Variants in TECPR2 observed in about 807,000 individuals in gnomAD.
TECPR2 encodes the protein tectonin beta-propeller repeat-containing protein 2.
A neutral mutation model predicts 138.1 loss-of-function variants in TECPR2; 65 were observed. The ratio of observed to expected loss-of-function variants is 0.47; its 90% CI spans 0.39 to 0.58. The LOEUF (loss-of-function observed/expected upper bound fraction) is 0.58, where lower values mean the gene tolerates loss of function less well. TECPR2 is among the 20% of genes least tolerant of loss of function. TECPR2 has a pLI of 0.00. For synonymous variants in TECPR2, 746 were observed against 749.8 expected, an observed-to-expected ratio of 0.99 and a Z score of 0.08; for missense variants, 1,553 against 1,824.5, an observed-to-expected ratio of 0.85 and a Z score of 2.71.
intron 2 of TECPR2, among the ~76,000 whole-genome samples, chr14:102,398,640 T>C (rs1888383783): frequency 1.3e-5 from 2 of 151,584 alleles, no homozygotes; most frequent in Admixed American, 1.3e-4. Flanking sequence ...GGCAGGAGGA[T>C]CACTTGAGTT....
rs377136268 is a variant in TECPR2 at position 102,449,744 on chromosome 14, A to C, written c.3191A>C (p.Lys1064Thr). 29 of 1,614,044 alleles carry C rather than the reference A, an allele frequency of 1.8e-5. No homozygotes were observed. The highest frequency in any genetic ancestry group is 2.3e-5 in the Non-Finnish European group (27 of 1,180,044). ...GCCCCCGTAGAAAAGGTGGCAGATA[A>C]GCTGCGCATGGCGTTTTGGTCCCAG... ...AQAPVEKVAD[K>T]LRMAFWSQQL... The change falls in exon 14 of 20, where the codon AAG (lysine) becomes ACG (threonine). Residue 1064 changes from lysine to threonine, a missense_variant. Transcript: ENST00000359520.
rs1384917235 is a variant in TECPR2, at chr14:102,502,321, A to G, written c.*4064A>G. 1 of 152,630 alleles carries G rather than the reference A, an allele frequency of 6.6e-6. No homozygotes were observed. Among genetic ancestry groups the G allele is most frequent in the Non-Finnish European group, 1.5e-5 (1 of 68,036 alleles). The allele number at this position is 152,630 out of a possible 1,614,324, so 9.5% of individuals were successfully genotyped here. On this transcript the variant is annotated 3_prime_UTR_variant, in exon 20 of 20. Coordinates refer to ENST00000359520, the MANE Select transcript of TECPR2 (RefSeq NM_014844.5). ...TTTGAAATTTTTCATAACTCCGGGG[A>G]GGAGCAAGAGGGGTGAAAAGAAACA...
At position 102,443,822 on chromosome 14, in the gene TECPR2, T is replaced by C. The variant is rs2139743917; in HGVS notation, c.2928T>C (p.Ile976=). 1 of 1,582,110 alleles carries C rather than the reference T, an allele frequency of 6.3e-7. No homozygotes were observed. Among genetic ancestry groups the C allele is most frequent in the South Asian group, 1.1e-5 (1 of 88,644 alleles). The change falls in exon 12 of 20, where the codon ATT becomes ATC. Residue 976 remains isoleucine, a synonymous_variant. Transcript: ENST00000359520. The surrounding 1 kb of genome is among the most constrained non-coding windows in gnomAD (Gnocchi z 4.9). ...CPEGEQWKCD[I]VSERQALEPV... is the part of the protein sequence containing the mutation. The stretch of plus-strand genomic sequence containing the variant: ...AAGGCGAGCAGTGGAAGTGTGACAT[T>C]GTCAGGTACTGGCGGGCCAGAGACT...
intron 16 of TECPR2, among the ~76,000 whole-genome samples, chr14:102,454,811 G>T (rs1047137957): frequency 1.4e-4 from 22 of 152,338 alleles, no homozygotes; most frequent in Middle Eastern, 3.4e-3. Context: ...TGGGTGAGAA[G>T]CAGAACTGCT....
chr14:102,478,830 A>C (rs1890823206), intron 17 of TECPR2, among the ~76,000 whole-genome samples: 1 of 151,922 alleles, frequency 6.6e-6, no homozygotes, highest in Admixed American at 6.6e-5. Flanking sequence ...AGCCTGAGAA[A>C]CATGGTAAAA....
chr14:102,369,791 A>AC (rs1348337492), intron 1 of TECPR2, among the ~76,000 whole-genome samples: 1 of 143,868 alleles, frequency 7.0e-6, no homozygotes, highest in Non-Finnish European at 1.6e-5. Context: ...AAAAACAAAA[A>AC]AACAAAAAAA....
chr14:102,388,670 T>C (rs1432462327), intron 2 of TECPR2, among the ~76,000 whole-genome samples: 1 of 138,580 alleles, frequency 7.2e-6, no homozygotes, highest in Non-Finnish European at 1.6e-5. Context: ...CTACTAAAAA[T>C]ACAAAAAAAA....
At chr14:102,432,298 T>TACACACACACACACACACACACAC (rs10650505) in intron 8 of TECPR2, among the ~76,000 whole-genome samples, 170 bp downstream of exon 8, 177 of 148,890 alleles carry the variant, frequency 1.2e-3, no homozygotes, top group African/African-American at 2.5e-3. Context: ...TAACGGAAAA[T>TACACACACACACACACACACACAC]ACACACACAC....
At chr14:102,385,204 G>A (rs1049170665) in intron 2 of TECPR2, among the ~76,000 whole-genome samples, 1 of 151,866 alleles carries the variant, frequency 6.6e-6, no homozygotes, top group Non-Finnish European at 1.5e-5. Context: ...TGCCATCCTC[G>A]TGCAAGGAAG....
At chr14:102,378,590 G>A (rs1887703989) in intron 2 of TECPR2, among the ~76,000 whole-genome samples, 1 of 152,048 alleles carries the variant, frequency 6.6e-6, no homozygotes, top group South Asian at 2.1e-4. Context: ...ACCATCATGT[G>A]AACTTGGGCA....
intron 19 of TECPR2, 64 bp from the exon 20 acceptor site, chr14:102,498,039 C>CCATCTGTGCCCAAGCTCCCAGCTA: frequency 6.4e-7 from 1 of 1,574,234 alleles, no homozygotes. Flanking sequence ...GCTCCCAGCT[C>CCATCTGTGCCCAAGCTCCCAGCTA]CATCTGTGCC....
chr14:102,409,257 TTTC>T (rs1416160916), intron 4 of TECPR2, among the ~76,000 whole-genome samples: 2 of 152,130 alleles, frequency 1.3e-5, no homozygotes, highest in African/African-American at 4.8e-5. Flanking sequence ...GTCCTTTCTT[TTTC>T]TTATTTGTAG....
intron 17 of TECPR2, among the ~76,000 whole-genome samples, chr14:102,482,868 G>A (rs577140993): frequency 1.1e-3 from 150 of 138,442 alleles, no homozygotes; most frequent in Admixed American, 4.3e-3. Flanking sequence ...TTTTGAGACG[G>A]AGTCTCGCTC....
At position 102,499,745 on chromosome 14, in the gene TECPR2, T is replaced by A. The variant is rs1891394620; in HGVS notation, c.*1488T>A. ...AGGACAGGACACCAGGCTGGCTGCTTTTTTTAGCCTGCCCCTGGCCCAGGC... is the reference window on the plus strand; with the variant it reads ...AGGACAGGACACCAGGCTGGCTGCTATTTTTAGCCTGCCCCTGGCCCAGGC... On this transcript the variant is annotated 3_prime_UTR_variant, in exon 20 of 20. Coordinates refer to ENST00000359520, the MANE Select transcript of TECPR2 (RefSeq NM_014844.5). 1 of 160,308 alleles carries A rather than the reference T, an allele frequency of 6.2e-6. No homozygotes were observed. The highest frequency in any genetic ancestry group is 1.4e-5 in the Non-Finnish European group (1 of 72,710). The allele number at this position is 160,308 out of a possible 1,614,324, so 9.9% of individuals were successfully genotyped here.
chr14:102,395,816 T>G (rs1177378817), intron 2 of TECPR2, among the ~76,000 whole-genome samples: 1 of 152,096 alleles, frequency 6.6e-6, no homozygotes, highest in Non-Finnish European at 1.5e-5. Context: ...TAAACTAAAC[T>G]AAACTAAAAT....
intron 16 of TECPR2, among the ~76,000 whole-genome samples, chr14:102,463,192 G>T (rs1028614385): frequency 6.6e-6 from 1 of 152,012 alleles, no homozygotes; most frequent in South Asian, 2.1e-4. Context: ...AGGCCGAGAC[G>T]GATCACCTGA....
At chr14:102,484,492 C>T (rs1434168402) in intron 17 of TECPR2, among the ~76,000 whole-genome samples, 2 of 152,142 alleles carry the variant, frequency 1.3e-5, no homozygotes, top group Non-Finnish European at 2.9e-5. Flanking sequence ...TGCATGGAGC[C>T]TGTGGGCCCC....
chr14:102,486,033 C>T (rs1206199727), intron 17 of TECPR2, among the ~76,000 whole-genome samples: 1 of 152,208 alleles, frequency 6.6e-6, no homozygotes, highest in Non-Finnish European at 1.5e-5. Context: ...TGACAGGCAC[C>T]CAGGAAACCT....
intron 17 of TECPR2, among the ~76,000 whole-genome samples, chr14:102,481,410 A>G (rs760966077): frequency 6.6e-6 from 1 of 152,112 alleles, no homozygotes; most frequent in Non-Finnish European, 1.5e-5. Flanking sequence ...TGGCCTCCCA[A>G]AGTGTTGGGA....
Sources: allele counts gnomAD v4.1 joint callset (sites outside exome capture counted in the v4.1 genomes callset), GRCh38; gene constraint gnomAD v4.1.1; non-coding constraint Gnocchi (gnomAD v3.1); transcripts MANE v1.5; gene names NCBI Gene and HGNC (gene_info 2026-07-23, HGNC 2026-07-21).